ZFHX3: variants seen among roughly 807,000 people sequenced by gnomAD.
The protein encoded by ZFHX3 is zinc finger homeobox 3.
In ZFHX3, 42 loss-of-function variants were observed where a neutral mutation model predicts 279.1. That is an observed-to-expected ratio of 0.15 (90% CI 0.12 to 0.19). The LOEUF is 0.19. Ranked by LOEUF, ZFHX3 falls within the 10% of genes least tolerant of loss-of-function variation. The pLI is 1.00. For missense variants in ZFHX3, 4,981 were observed against 4,754.0 expected, an observed-to-expected ratio of 1.05 and a Z score of -1.40; for synonymous variants, 2,293 against 1,957.8, an observed-to-expected ratio of 1.17 and a Z score of -4.52.
chr16:73,121,482 T>C (rs1292007230), intron 7 of ZFHX3, among the ~76,000 whole-genome samples: 1 of 152,218 alleles, frequency 6.6e-6, no homozygotes, highest in Non-Finnish European at 1.5e-5. Flanking sequence ...ATCTTTGGCC[T>C]AGACCATTTC....
chr16:73,518,542 A>G (rs1367363858), intron 2 of ZFHX3, among the ~76,000 whole-genome samples: 2 of 152,196 alleles, frequency 1.3e-5, no homozygotes. Flanking sequence ...AGAGAGGGAC[A>G]GTTAGCTCCT....
chr16:73,889,899 T>C (rs1483098066), intron 1 of ZFHX3, among the ~76,000 whole-genome samples: 3 of 152,224 alleles, frequency 2.0e-5, no homozygotes, highest in Non-Finnish European at 2.9e-5. Flanking sequence ...AGGAAATCCA[T>C]TTAAAGTCCT....
intron 1 of ZFHX3, among the ~76,000 whole-genome samples, chr16:73,879,147 C>T (rs1254027607): frequency 6.6e-6 from 1 of 151,528 alleles, no homozygotes; most frequent in Non-Finnish European, 1.5e-5. Context: ...CCTTGGGGTC[C>T]TTTTCTGCAA....
At chr16:73,771,135 G>T (rs1322074188) in intron 1 of ZFHX3, among the ~76,000 whole-genome samples, 4 of 152,208 alleles carry the variant, frequency 2.6e-5, no homozygotes, top group African/African-American at 7.2e-5. Context: ...ACGGGAAAAT[G>T]CAGGAGATGA....
intron 2 of ZFHX3, among the ~76,000 whole-genome samples, chr16:73,516,189 G>T (rs1292934800): frequency 6.6e-6 from 1 of 152,154 alleles, no homozygotes; most frequent in African/African-American, 2.4e-5. Context: ...TATAATCACT[G>T]CGAGAAAAGA....
At chr16:73,751,645 T>C (rs1416174191) in intron 1 of ZFHX3, among the ~76,000 whole-genome samples, 2 of 152,224 alleles carry the variant, frequency 1.3e-5, no homozygotes, top group African/African-American at 4.8e-5. Flanking sequence ...TTAATACAAA[T>C]GCATAGTTTT....
chr16:73,745,682 A>G (rs918517316), intron 1 of ZFHX3, among the ~76,000 whole-genome samples: 1 of 152,170 alleles, frequency 6.6e-6, no homozygotes, highest in Non-Finnish European at 1.5e-5. Flanking sequence ...TACCATGAAC[A>G]TGCCCTATGG....
At position 73,656,715 on chromosome 16, in the gene ZFHX3, T is replaced by C. The variant is rs113305272; in HGVS notation, c.-1547+23465A>G. Among the ~76,000 whole-genome samples, 131 of 152,302 alleles carry C rather than the reference T, an allele frequency of 8.6e-4. 1 individual carries two copies. Among genetic ancestry groups the C allele is most frequent in the African/African-American group, 2.9e-3 (122 of 41,568 alleles). Reference sequence around the variant, plus strand: ...TCTAGCTTATAATTTTAAAGCAAACTGTAAAGTAAAATGTTTCAATTATAT... The same window carrying C: ...TCTAGCTTATAATTTTAAAGCAAACCGTAAAGTAAAATGTTTCAATTATAT... On this transcript the variant is annotated intron_variant, in intron 2 of 17. Transcript: ENST00000641206.
intron 3 of ZFHX3, among the ~76,000 whole-genome samples, chr16:73,334,528 A>T (rs1282781929): frequency 2.0e-5 from 3 of 152,080 alleles, no homozygotes; most frequent in Non-Finnish European, 4.4e-5. Context: ...CCCTGCTGTC[A>T]ACTTCCTGTC....
chr16:73,288,052 T>A (rs2014674030), intron 4 of ZFHX3, among the ~76,000 whole-genome samples: 1 of 152,016 alleles, frequency 6.6e-6, no homozygotes, highest in South Asian at 2.1e-4. Flanking sequence ...GGACTGCCTG[T>A]GCCCCCATTA....
rs563099276 is a variant in ZFHX3, at chr16:73,096,686, G to A, written c.-896-3088C>T. On this transcript the variant is annotated intron_variant, in intron 7 of 17. Transcript: ENST00000641206. ...TCCCCAAATGCTGGGATTACAGGGG[G>A]ATTGCAGGCACAAGCCACCATGCCC... Among the ~76,000 whole-genome samples the A allele has an allele frequency of 6.8e-4, 103 of 151,976 alleles. 1 individual carries two copies. Among genetic ancestry groups the A allele is most frequent in the African/African-American group, 2.4e-3 (100 of 41,458 alleles).
chr16:73,862,539 C>T (rs570725005), intron 1 of ZFHX3, among the ~76,000 whole-genome samples: 7 of 152,268 alleles, frequency 4.6e-5, no homozygotes, highest in African/African-American at 1.7e-4. Context: ...TTTTGAGAGG[C>T]TGAGGCAGGA....
intron 3 of ZFHX3, among the ~76,000 whole-genome samples, chr16:73,356,370 C>T (rs961984887): frequency 1.3e-5 from 2 of 151,026 alleles, no homozygotes; most frequent in African/African-American, 4.8e-5. Flanking sequence ...TTTTCCTCTT[C>T]ATAATTTTAT....
At chr16:73,559,415 T>C (rs992065404) in intron 2 of ZFHX3, among the ~76,000 whole-genome samples, 2 of 152,076 alleles carry the variant, frequency 1.3e-5, no homozygotes, top group African/African-American at 4.8e-5. Context: ...TGCGTTTAGG[T>C]GATGGCATTA....
At chr16:73,409,827 A>G (rs1008651413) in intron 3 of ZFHX3, among the ~76,000 whole-genome samples, 2 of 152,210 alleles carry the variant, frequency 1.3e-5, no homozygotes. Flanking sequence ...ATGGAACTGA[A>G]GGACATTATG....
At chr16:73,139,671 G>A (rs933729670) in intron 6 of ZFHX3, among the ~76,000 whole-genome samples, 6 of 152,270 alleles carry the variant, frequency 3.9e-5, no homozygotes, top group East Asian at 1.9e-4. Flanking sequence ...GTTGGCTGCC[G>A]CCGTGATGCT....
At chr16:73,153,852 G>A (rs1489010646) in intron 5 of ZFHX3, among the ~76,000 whole-genome samples, 1 of 151,906 alleles carries the variant, frequency 6.6e-6, no homozygotes. Context: ...GTTTCACCAT[G>A]TTGGCCAGGA....
intron 3 of ZFHX3, among the ~76,000 whole-genome samples, chr16:73,414,282 C>T (rs2017527822): frequency 6.6e-6 from 1 of 152,238 alleles, no homozygotes; most frequent in Non-Finnish European, 1.5e-5. Flanking sequence ...ATAATTTCTA[C>T]CTTTTAACCA....
intron 4 of ZFHX3, among the ~76,000 whole-genome samples, chr16:73,278,055 G>T (rs2014349136): frequency 6.6e-6 from 1 of 152,136 alleles, no homozygotes; most frequent in Non-Finnish European, 1.5e-5. Flanking sequence ...ATTACAATTT[G>T]ACATGAAATT....
Sources: allele counts gnomAD v4.1 joint callset (sites outside exome capture counted in the v4.1 genomes callset), GRCh38; gene constraint gnomAD v4.1.1; transcripts MANE v1.5; gene names NCBI Gene and HGNC (gene_info 2026-07-23, HGNC 2026-07-21).